Variants in COBL observed in about 807,000 individuals in gnomAD.
The protein encoded by COBL is cordon-bleu WH2 repeat protein, also known as protein cordon-bleu.
Under a neutral mutation model 98.8 loss-of-function variants are expected in COBL, and 51 were observed. The observed-to-expected ratio is 0.52, with a 90% CI of 0.41 to 0.65. COBL has a LOEUF of 0.65. Ranked by LOEUF, COBL falls within the 30% of genes least tolerant of loss-of-function variation. The pLI is 0.00. For missense variants in COBL, 1,617 were observed against 1,617.5 expected (o/e 1.00, Z 0.01); for synonymous variants, 634 against 651.7 (o/e 0.97, Z 0.41).
chr7:51,077,069 G>T (rs1562878731), intron 7 of COBL, among the ~76,000 whole-genome samples: 1 of 152,158 alleles, frequency 6.6e-6, no homozygotes, highest in Non-Finnish European at 1.5e-5. Flanking sequence ...CACAATGAAG[G>T]TTCAACTGAA....
chr7:51,074,882 A>G (rs980031128), intron 7 of COBL, among the ~76,000 whole-genome samples: 12 of 152,250 alleles, frequency 7.9e-5, no homozygotes, highest in Non-Finnish European at 1.8e-4. Flanking sequence ...CACAAAATTT[A>G]TAAGTAATAA....
chr7:51,208,545 C>T (rs533952687), intron 2 of COBL, among the ~76,000 whole-genome samples: 3 of 152,364 alleles, frequency 2.0e-5, no homozygotes, highest in African/African-American at 4.8e-5. Context: ...CCGGCCACCA[C>T]CCCATCTGGG....
At chr7:51,041,587 G>A (rs1163755376) in intron 8 of COBL, among the ~76,000 whole-genome samples, 1 of 145,012 alleles carries the variant, frequency 6.9e-6, no homozygotes, top group Non-Finnish European at 1.5e-5. Context: ...GTGTTCAAGC[G>A]ATTCTCTTGC....
intron 7 of COBL, chr7:51,064,860 A>G (rs565516438): frequency 2.7e-6 from 1 of 374,012 alleles, no homozygotes; most frequent in East Asian, 4.2e-5. Context: ...TAAGTGAAAC[A>G]CAGAGGCTGC....
chr7:51,117,143 C>T (rs369373243), intron 6 of COBL, among the ~76,000 whole-genome samples: 3 of 141,562 alleles, frequency 2.1e-5, no homozygotes, highest in East Asian at 2.2e-4. Flanking sequence ...CTCCTTAAGT[C>T]TATTTTTAAG....
chr7:51,316,035 G>T (rs1169551637), intron 1 of COBL, among the ~76,000 whole-genome samples: 3 of 152,188 alleles, frequency 2.0e-5, no homozygotes, highest in Non-Finnish European at 4.4e-5. Flanking sequence ...GAAACCCTCC[G>T]GGCAATCCGA....
rs1437501028 is a variant in COBL at position 51,223,283 on chromosome 7, G to A, written c.42-3339C>T. On this transcript the variant is annotated intron_variant, in intron 1 of 12. Coordinates refer to ENST00000265136, the MANE Select transcript of COBL (RefSeq NM_015198.5). ...CATGTGTGTGTGCCTGCGTGTGCAC[G>A]TGTACACATTAAAGTTAGCCAACAT... is the stretch of plus-strand genomic sequence containing the variant. Among the ~76,000 whole-genome samples, 6 of 152,240 alleles carry A rather than the reference G, an allele frequency of 3.9e-5. No homozygotes were observed. In the South Asian group the frequency reaches 1.0e-3, roughly 26 times the overall value.
At chr7:51,103,265 A>G (rs1053398894) in intron 6 of COBL, among the ~76,000 whole-genome samples, 1 of 152,210 alleles carries the variant, frequency 6.6e-6, no homozygotes, top group Non-Finnish European at 1.5e-5. Flanking sequence ...AGGATTAGCA[A>G]TGTTTAATGC....
chr7:51,060,782 G>A (rs769043073), intron 7 of COBL, among the ~76,000 whole-genome samples: 51 of 152,264 alleles, frequency 3.3e-4, no homozygotes, highest in Non-Finnish European at 5.4e-4. Flanking sequence ...TGATTCCACC[G>A]AACTGGAAGT....
At chr7:51,205,164 T>C (rs1791550639) in intron 2 of COBL, among the ~76,000 whole-genome samples, 1 of 152,088 alleles carries the variant, frequency 6.6e-6, no homozygotes, top group African/African-American at 2.4e-5. Context: ...GAAGAAACAA[T>C]GCAAAAACTC....
At chr7:51,135,959 T>G (rs1799193212) in intron 6 of COBL, among the ~76,000 whole-genome samples, 199 bp downstream of exon 6, 1 of 152,204 alleles carries the variant, frequency 6.6e-6, no homozygotes, top group South Asian at 2.1e-4. Context: ...CTTGGGGAAC[T>G]CAGCTTCTCA....
rs113568111 is a variant in COBL at position 51,192,139 on chromosome 7, G to C, written c.457-1061C>G. Among the ~76,000 whole-genome samples, 1,406 of 152,290 alleles carry C rather than the reference G, an allele frequency of 9.2e-3. 19 individuals carry two copies. Among genetic ancestry groups the C allele is most frequent in the African/African-American group, 0.032 (1,326 of 41,552 alleles). On this transcript the variant is annotated intron_variant, in intron 3 of 12. Coordinates refer to ENST00000265136, the MANE Select transcript of COBL (RefSeq NM_015198.5). The stretch of plus-strand genomic sequence containing the variant: ...GAATAAGGGGAAATCTCTGGTCAGA[G>C]TGTTCCAGATAACAGTGAGAATGCA...
At chr7:51,038,827 A>C (rs975938639) in intron 8 of COBL, among the ~76,000 whole-genome samples, 4 of 152,234 alleles carry the variant, frequency 2.6e-5, no homozygotes, top group African/African-American at 9.6e-5. Context: ...TGCCAGCCAG[A>C]CAGAGGGTGA....
At chr7:51,061,943 C>CCACACACA (rs1298316823) in intron 7 of COBL, among the ~76,000 whole-genome samples, 3 of 35,292 alleles carry the variant, frequency 8.5e-5, no homozygotes, top group East Asian at 1.6e-3. Flanking sequence ...TCTCTCCCCA[C>CCACACACA]CATAGATACA....
intron 1 of COBL, among the ~76,000 whole-genome samples, chr7:51,282,365 G>A (rs1261597796): frequency 6.6e-6 from 1 of 151,958 alleles, no homozygotes; most frequent in Non-Finnish European, 1.5e-5. Context: ...GGTGGTTAGA[G>A]GTAAACTGAT....
Position 51,028,112 on chromosome 7 carries a change from A to T in COBL, c.2984T>A (p.Phe995Tyr). The part of the protein sequence containing the change: ...DRVSVGQSCG[F>Y]SGKQSTSSQE... ...GCTACTTGTGCTTTGCTTTCCACTG[A>T]AACCACAGCTCTGTCCCACAGAAAC... Residue 995 changes from phenylalanine (F) to tyrosine (Y), a missense_variant, in exon 10 of 13, where the codon TTC (phenylalanine) becomes TAC (tyrosine). Phe to Tyr is a conservative substitution (Grantham distance 22, BLOSUM62 3). Around this residue, in one of 3 missense-constraint regions of COBL, gnomAD observed 1,304 missense variants for 1,282.0 expected, o/e 1.02. Transcript: ENST00000265136. 6.2e-7 allele frequency: 1 copy of T among 1,614,146 alleles called. No homozygotes were observed. The highest frequency in any genetic ancestry group is 8.5e-7 in the Non-Finnish European group (1 of 1,180,002).
intron 1 of COBL, among the ~76,000 whole-genome samples, chr7:51,243,802 G>A (rs1563081282): frequency 6.6e-6 from 1 of 152,038 alleles, no homozygotes; most frequent in African/African-American, 2.4e-5. Flanking sequence ...TGGGGTGAAG[G>A]AGCGGTGCCG....
At position 51,070,628 on chromosome 7, in the gene COBL, C is replaced by G. The variant is rs760416785; in HGVS notation, c.1096+14538G>C. Among the ~76,000 whole-genome samples the G allele has an allele frequency of 2.0e-5, 3 of 152,118 alleles. No homozygotes were observed. The South Asian group carries it at 6.2e-4, about 31-fold the overall frequency. On this transcript the variant is annotated intron_variant, in intron 7 of 12. Coordinates refer to ENST00000265136, the MANE Select transcript of COBL (RefSeq NM_015198.5). ...TTGTTATGGGAAATGTTAGTCTGCA[C>G]GTGGAAACGTTTTGAATTACATTAC...
chr7:51,294,217 G>A (rs1413916854), intron 1 of COBL, among the ~76,000 whole-genome samples: 1 of 151,474 alleles, frequency 6.6e-6, no homozygotes, highest in Non-Finnish European at 1.5e-5. Flanking sequence ...CTTGAACCTG[G>A]GAGACAGAGG....
Sources: gnomAD v4.1 joint callset for allele counts (sites outside exome capture counted in the v4.1 genomes callset) on GRCh38, gnomAD v4.1.1 for gene constraint, gnomAD v4.1.1 regional missense constraint, MANE v1.5 for transcripts, NCBI Gene and HGNC (gene_info 2026-07-23, HGNC 2026-07-21) for gene names.